SHANK2: variants seen among roughly 807,000 people sequenced by gnomAD.
SHANK2 encodes SH3 and multiple ankyrin repeat domains 2, also known as SH3 and multiple ankyrin repeat domains protein 2.
A neutral mutation model predicts 133.7 loss-of-function variants in SHANK2; 43 were observed. That is an observed-to-expected ratio of 0.32 (90% CI 0.25 to 0.41). The LOEUF is 0.41. Among genes scored for constraint, SHANK2 ranks in the 10% least tolerant of loss-of-function variants. The probability of loss-of-function intolerance (pLI) is 1.00; values close to 1 mark genes in which losing one functional copy is unlikely to be tolerated. For synonymous variants in SHANK2, 1,017 were observed against 952.8 expected (o/e 1.07, Z -1.24); for missense variants, 1,994 against 2,235.8 (o/e 0.89, Z 2.18).
At chr11:70,849,990 A>C (rs551308588) in intron 11 of SHANK2, among the ~76,000 whole-genome samples, 31 of 152,246 alleles carry the variant, frequency 2.0e-4, no homozygotes, top group African/African-American at 7.2e-4. Flanking sequence ...CCCATGAAAC[A>C]CACATGCCCT....
intron 10 of SHANK2, among the ~76,000 whole-genome samples, chr11:70,929,783 G>A (rs1555082195): frequency 6.6e-6 from 1 of 152,164 alleles, no homozygotes; most frequent in East Asian, 1.9e-4. Context: ...ACAGGTTTGG[G>A]GGATTAGGAT....
chr11:71,126,725 C>CT (rs200961805), intron 3 of SHANK2, among the ~76,000 whole-genome samples: 2,084 of 130,256 alleles, frequency 0.016, 42 homozygotes, highest in South Asian at 0.033. Flanking sequence ...TCATAAACGA[C>CT]TTTTTTTTTT....
At chr11:70,528,917 A>G (rs1015654027) in intron 17 of SHANK2, among the ~76,000 whole-genome samples, 2 of 152,098 alleles carry the variant, frequency 1.3e-5, no homozygotes, top group Admixed American at 6.5e-5. Context: ...TGAAGAAATA[A>G]AAGGTCCTGG....
intron 14 of SHANK2, among the ~76,000 whole-genome samples, chr11:70,717,063 G>A (rs900107766): frequency 3.9e-5 from 6 of 152,182 alleles, no homozygotes; most frequent in Non-Finnish European, 7.3e-5. Flanking sequence ...GTTACCACGC[G>A]GAAGGAGCAC....
intron 11 of SHANK2, among the ~76,000 whole-genome samples, chr11:70,866,025 G>C (rs1266587739): frequency 6.6e-6 from 1 of 152,142 alleles, no homozygotes; most frequent in Non-Finnish European, 1.5e-5. Context: ...TTAGTGGGGG[G>C]CTGCCTGGCT....
intron 10 of SHANK2, among the ~76,000 whole-genome samples, chr11:70,927,315 G>C (rs1373546636): frequency 2.0e-5 from 3 of 152,090 alleles, no homozygotes; most frequent in Non-Finnish European, 4.4e-5. Flanking sequence ...CTCCAGAAAA[G>C]ATTTCACAAT....
rs375440022 is a variant in SHANK2, at chr11:70,805,272, T to C, written c.1663+1730A>G. 1.2e-4 allele frequency among the ~76,000 whole-genome samples: 19 copies of C among 152,258 alleles called. No individual in the cohort carries two copies. In the South Asian group the frequency reaches 1.5e-3, roughly 12 times the overall value. Reference sequence around the variant, plus strand: ...AGCCCCAGGCTTCTCCTCTTTACAATAGGGACAGGCCTGGACAAGAAGACC... The same window carrying C: ...AGCCCCAGGCTTCTCCTCTTTACAACAGGGACAGGCCTGGACAAGAAGACC... On this transcript the variant is annotated intron_variant, in intron 13 of 25. Transcript: ENST00000601538.
chr11:71,071,289 C>T (rs1021846508), intron 9 of SHANK2, among the ~76,000 whole-genome samples: 6 of 152,190 alleles, frequency 3.9e-5, no homozygotes, highest in Admixed American at 2.6e-4. Flanking sequence ...ATTCACACCC[C>T]GTGGCATACC....
intron 9 of SHANK2, among the ~76,000 whole-genome samples, chr11:71,063,937 G>A (rs957404295): frequency 7.4e-4 from 113 of 151,938 alleles, no homozygotes; most frequent in African/African-American, 2.7e-3. Flanking sequence ...TCAGCTGCTG[G>A]ACCCCCAGAC....
intron 2 of SHANK2, among the ~76,000 whole-genome samples, chr11:71,202,485 C>T (rs1954037282): frequency 6.6e-6 from 1 of 152,130 alleles, no homozygotes; most frequent in African/African-American, 2.4e-5. Flanking sequence ...CGAGACAAGG[C>T]AGAGCTAGGA....
At chr11:71,191,715 C>T (rs1423969775) in intron 2 of SHANK2, among the ~76,000 whole-genome samples, 6 of 151,890 alleles carry the variant, frequency 4.0e-5, no homozygotes, top group South Asian at 4.2e-4. Flanking sequence ...TGCACCACTA[C>T]GCCTGGCTAC....
At chr11:70,828,610 G>A (rs1948681240) in intron 11 of SHANK2, among the ~76,000 whole-genome samples, 1 of 152,218 alleles carries the variant, frequency 6.6e-6, no homozygotes, top group African/African-American at 2.4e-5. Flanking sequence ...CCTCCGGGTG[G>A]ACCAGCCAGG....
At chr11:70,720,666 A>G (rs1306813143) in intron 14 of SHANK2, among the ~76,000 whole-genome samples, 1 of 152,226 alleles carries the variant, frequency 6.6e-6, no homozygotes, top group East Asian at 1.9e-4. Flanking sequence ...ACCCAGAAAC[A>G]TGCAGGAATG....
intron 1 of SHANK2, among the ~76,000 whole-genome samples, chr11:71,232,740 G>T (rs1293536302): frequency 6.6e-6 from 1 of 150,590 alleles, no homozygotes; most frequent in East Asian, 1.9e-4. Flanking sequence ...TACAAAACAT[G>T]TGTTAATGGA....
chr11:70,847,144 C>T lies in SHANK2; in HGVS notation c.1175-26462G>A, dbSNP rs377002991. 4.3e-4 allele frequency among the ~76,000 whole-genome samples: 66 copies of T among 152,244 alleles called. 1 individual carries two copies. In the East Asian group the frequency reaches 6.4e-3, roughly 15 times the overall value. The stretch of plus-strand genomic sequence containing the variant: ...CTTGCGAGGGTCCTTGACTGTGCTG[C>T]GACCCACACCCCAGTACAGGGTCCT... On this transcript the variant is annotated intron_variant, in intron 11 of 25. Coordinates refer to ENST00000601538, the MANE Select transcript of SHANK2 (RefSeq NM_012309.5).
intron 14 of SHANK2, among the ~76,000 whole-genome samples, chr11:70,732,383 G>A (rs1225920893): frequency 1.3e-5 from 2 of 152,140 alleles, no homozygotes; most frequent in African/African-American, 4.8e-5. Context: ...CCTGTGCCTG[G>A]CTCTGGACCA....
Position 70,819,711 on chromosome 11 carries a change from T to A in SHANK2, c.1493+653A>T, listed in dbSNP as rs1026773216. On this transcript the variant is annotated intron_variant, in intron 12 of 25. Transcript: ENST00000601538. ...AAATGGAACGAGGCACAGGCTCCTG[T>A]CACCTGGGGCTGCTTCAGAGACTGA... 7.9e-5 allele frequency among the ~76,000 whole-genome samples: 12 copies of A among 152,062 alleles called. No homozygotes were observed. The South Asian group carries it at 2.5e-3, about 32-fold the overall frequency.
At chr11:70,503,320 G>A (rs544994062) in intron 17 of SHANK2, among the ~76,000 whole-genome samples, 12 of 152,260 alleles carry the variant, frequency 7.9e-5, no homozygotes, top group African/African-American at 2.4e-4. Context: ...CCTGACAGGC[G>A]AGTTCCAGGG....
At chr11:70,503,786 G>A (rs958513027) in intron 17 of SHANK2, among the ~76,000 whole-genome samples, 3 of 152,224 alleles carry the variant, frequency 2.0e-5, no homozygotes, top group Non-Finnish European at 2.9e-5. Context: ...GCAGCAGATG[G>A]CCTTGGCCTC....
Sources: gnomAD v4.1 joint callset for allele counts (sites outside exome capture counted in the v4.1 genomes callset) on GRCh38, gnomAD v4.1.1 for gene constraint, MANE v1.5 for transcripts, NCBI Gene and HGNC (gene_info 2026-07-23, HGNC 2026-07-21) for gene names.